The following SNTG1 variants were observed in gnomAD, a reference collection of about 807,000 sequenced individuals.
SNTG1 encodes the protein syntrophin gamma 1, also known as gamma-1-syntrophin.
In SNTG1, 39 loss-of-function variants were observed where a neutral mutation model predicts 74.7. The observed-to-expected ratio is 0.52, with a 90% CI of 0.40 to 0.68. The LOEUF (loss-of-function observed/expected upper bound fraction) is 0.68. Ranked by LOEUF, SNTG1 falls within the 30% of genes least tolerant of loss-of-function variation. The pLI is 0.00. For synonymous variants in SNTG1, 254 were observed against 217.1 expected (o/e 1.17, Z -1.49); for missense variants, 685 against 609.5 (o/e 1.12, Z -1.30).
intron 2 of SNTG1, among the ~76,000 whole-genome samples, chr8:50,236,390 C>T (rs1472293816): frequency 6.6e-6 from 1 of 151,430 alleles, no homozygotes; most frequent in Non-Finnish European, 1.5e-5. Context: ...CATTTTTATA[C>T]ATTTAAATTT....
At chr8:50,591,178 TGAA>T (rs1490945480) in intron 13 of SNTG1, among the ~76,000 whole-genome samples, 9 of 152,124 alleles carry the variant, frequency 5.9e-5, no homozygotes, top group African/African-American at 2.2e-4. Context: ...AATACATTGT[TGAA>T]GAACTTAGAG....
chr8:50,716,069 T>C (rs1206570627), intron 17 of SNTG1, among the ~76,000 whole-genome samples: 1 of 152,158 alleles, frequency 6.6e-6, no homozygotes, highest in Admixed American at 6.5e-5. Context: ...CCCAAAGGTG[T>C]ATGACCCTCA....
intron 2 of SNTG1, among the ~76,000 whole-genome samples, chr8:50,228,186 G>A (rs1409850083): frequency 6.6e-6 from 1 of 151,794 alleles, no homozygotes; most frequent in Non-Finnish European, 1.5e-5. Context: ...GAATATCTTT[G>A]CTGTTCTAAT....
At chr8:50,555,784 T>C (rs1357581993) in intron 12 of SNTG1, among the ~76,000 whole-genome samples, 2 of 152,100 alleles carry the variant, frequency 1.3e-5, no homozygotes, top group Non-Finnish European at 2.9e-5. Context: ...AATAATAAGT[T>C]TGACAGTTTA....
At chr8:50,592,572 T>C (rs1191349318) in intron 13 of SNTG1, among the ~76,000 whole-genome samples, 1 of 152,200 alleles carries the variant, frequency 6.6e-6, no homozygotes, top group Non-Finnish European at 1.5e-5. Context: ...AGTGAGAATT[T>C]GAATAAATCA....
intron 15 of SNTG1, among the ~76,000 whole-genome samples, chr8:50,664,795 G>T (rs1481327185): frequency 6.6e-6 from 1 of 152,156 alleles, no homozygotes; most frequent in Non-Finnish European, 1.5e-5. Flanking sequence ...TGTAGTAGTT[G>T]TTATGCTAAC....
chr8:49,938,603 T>TTTTCTTTTCTTTTCTTTCTTTCTTTC, intron 1 of SNTG1, among the ~76,000 whole-genome samples: 1 of 74,762 alleles, frequency 1.3e-5, no homozygotes, highest in East Asian at 6.4e-4. Flanking sequence ...TTTTCTTTTC[T>TTTTCTTTTCTTTTCTTTCTTTCTTTC]TTTCTTTCTT....
In SNTG1 at chr8:50,182,751, G is replaced by A. The variant is rs184680075; in HGVS notation, c.-28+10116G>A. On this transcript the variant is annotated intron_variant, in intron 2 of 18. Coordinates refer to ENST00000642720, the MANE Select transcript of SNTG1 (RefSeq NM_018967.5). The stretch of plus-strand genomic sequence containing the variant: ...CCACTACTGCAGTGGTCAAGTTTCT[G>A]GAGTTTGAAAAAAATTTATGCAAGC... 2.9e-3 allele frequency among the ~76,000 whole-genome samples: 444 copies of A among 152,040 alleles called. 2 individuals are homozygous for A. Among genetic ancestry groups the A allele is most frequent in the African/African-American group, 0.01 (424 of 41,478 alleles).
At chr8:50,030,552 T>C (rs1817656164) in intron 1 of SNTG1, among the ~76,000 whole-genome samples, 3 of 152,078 alleles carry the variant, frequency 2.0e-5, no homozygotes, top group South Asian at 4.1e-4. Flanking sequence ...TAAATTTATA[T>C]TTTTGTCTAT....
intron 15 of SNTG1, among the ~76,000 whole-genome samples, chr8:50,667,507 G>C (rs2095256285): frequency 6.6e-6 from 1 of 152,008 alleles, no homozygotes; most frequent in South Asian, 2.1e-4. Flanking sequence ...ATCACAAGGA[G>C]AGATAGCAAG....
chr8:50,229,570 G>C (rs2085509689), intron 2 of SNTG1, among the ~76,000 whole-genome samples: 1 of 151,454 alleles, frequency 6.6e-6, no homozygotes, highest in Non-Finnish European at 1.5e-5. Context: ...CAATTAAAAA[G>C]AGAGTCAAAA....
intron 18 of SNTG1, among the ~76,000 whole-genome samples, chr8:50,760,730 G>A (rs1269750732): frequency 6.6e-6 from 1 of 151,936 alleles, no homozygotes; most frequent in Non-Finnish European, 1.5e-5. Flanking sequence ...TACCCTCAGA[G>A]AATACTATAA....
chr8:50,275,179 G>T (rs1224180224), intron 2 of SNTG1, among the ~76,000 whole-genome samples: 1 of 151,946 alleles, frequency 6.6e-6, no homozygotes, highest in African/African-American at 2.4e-5. Flanking sequence ...AATCATCCAG[G>T]TCTGGTATTT....
chr8:50,709,095 C>G (rs2131552287), intron 17 of SNTG1, 117 bp downstream of exon 17: 1 of 805,818 alleles, frequency 1.2e-6, no homozygotes, highest in Non-Finnish European at 2.0e-6. Flanking sequence ...AATTTAAGAT[C>G]TTCGTTTTTG....
intron 1 of SNTG1, among the ~76,000 whole-genome samples, chr8:50,053,782 T>A (rs10113626): frequency 0.027 from 4,107 of 151,864 alleles, 206 homozygotes; most frequent in African/African-American, 0.092. Flanking sequence ...TTCCAGCCAT[T>A]TATTTATCTA....
chr8:50,221,521 A>G (rs2085067872), intron 2 of SNTG1, among the ~76,000 whole-genome samples: 1 of 150,100 alleles, frequency 6.7e-6, no homozygotes, highest in Non-Finnish European at 1.5e-5. Flanking sequence ...ATACACACAC[A>G]CACACACACA....
chr8:50,262,753 G>C (rs565419523), intron 2 of SNTG1, among the ~76,000 whole-genome samples: 2 of 151,918 alleles, frequency 1.3e-5, no homozygotes, highest in Non-Finnish European at 2.9e-5. Context: ...ATAAGCCCAG[G>C]CTATCTAAAA....
intron 10 of SNTG1, among the ~76,000 whole-genome samples, chr8:50,533,218 G>C (rs566203000): frequency 9.8e-5 from 15 of 152,286 alleles, no homozygotes; most frequent in Non-Finnish European, 2.2e-4. Flanking sequence ...AGAAGACTCT[G>C]ATTCAGATAA....
chr8:49,980,296 G>A (rs1022701454), intron 1 of SNTG1, among the ~76,000 whole-genome samples: 2 of 151,906 alleles, frequency 1.3e-5, no homozygotes, highest in African/African-American at 4.8e-5. Flanking sequence ...TCAAATGTTT[G>A]GCCCAGTAGC....
Sources: gnomAD v4.1 joint callset for allele counts (sites outside exome capture counted in the v4.1 genomes callset) on GRCh38, gnomAD v4.1.1 for gene constraint, MANE v1.5 for transcripts, NCBI Gene and HGNC (gene_info 2026-07-23, HGNC 2026-07-21) for gene names.